The following SLC8B1 variants were observed in gnomAD, a reference collection of about 807,000 sequenced individuals.
The protein encoded by SLC8B1 is solute carrier family 8 member B1, also known as mitochondrial sodium/calcium exchanger protein.
In SLC8B1, 52 loss-of-function variants were observed where a neutral mutation model predicts 63.4. The ratio of observed to expected loss-of-function variants is 0.82; its 90% CI spans 0.66 to 1.03. SLC8B1 has a LOEUF of 1.03. Among genes scored for constraint, SLC8B1 ranks in the 50% least tolerant of loss-of-function variants. The pLI, the probability that SLC8B1 is intolerant of heterozygous loss-of-function variation, is 0.00. For missense variants in SLC8B1, 657 were observed against 741.7 expected (o/e 0.89, Z 1.33); for synonymous variants, 336 against 323.9 (o/e 1.04, Z -0.40).
intron 11 of SLC8B1, among the ~76,000 whole-genome samples, chr12:113,313,527 G>C (rs890154594): frequency 2.6e-5 from 4 of 152,126 alleles, no homozygotes; most frequent in African/African-American, 9.7e-5. Context: ...GATCACCTGA[G>C]GTCAAGAGTT....
intron 10 of SLC8B1, 128 bp from the exon 11 acceptor site, chr12:113,315,604 G>A (rs1956825139): frequency 3.4e-6 from 4 of 1,188,256 alleles, no homozygotes; most frequent in Non-Finnish European, 4.5e-6. Context: ...GCGGGTTCCA[G>A]GCTAAGTGCC....
intron 15 of SLC8B1, among the ~76,000 whole-genome samples, chr12:113,300,466 G>T (rs1424541814): frequency 6.6e-6 from 1 of 152,048 alleles, no homozygotes; most frequent in Non-Finnish European, 1.5e-5. Context: ...TTGGGTGATG[G>T]AGTAAGACTC....
intron 8 of SLC8B1, 106 bp from the exon 9 acceptor site, chr12:113,317,107 CTTAG>C: frequency 3.1e-6 from 3 of 974,080 alleles, no homozygotes; most frequent in South Asian, 1.4e-5. Context: ...ATCTTATTTA[CTTAG>C]TTATTTGGGA....
intron 12 of SLC8B1, 71 bp from the exon 13 acceptor site, chr12:113,307,915 G>A: frequency 6.4e-7 from 1 of 1,551,122 alleles, no homozygotes; most frequent in South Asian, 1.2e-5. Flanking sequence ...TTCCTCACCT[G>A]TGAAACGGGA....
chr12:113,324,131 G>A (rs1956964897), intron 2 of SLC8B1, among the ~76,000 whole-genome samples: 2 of 151,962 alleles, frequency 1.3e-5, no homozygotes, highest in African/African-American at 4.8e-5. Flanking sequence ...GGGTAACATA[G>A]TAAGACCCCA....
chr12:113,305,078 T>C lies in SLC8B1; in HGVS notation c.1493-693A>G, dbSNP rs1956653051. Among the ~76,000 whole-genome samples, 1 of 152,182 alleles carries C rather than the reference T, an allele frequency of 6.6e-6. No homozygotes were observed. The highest frequency in any genetic ancestry group is 6.5e-5 in the Admixed American group (1 of 15,274). Reference sequence around the variant, plus strand: ...TAGGGTGCCAGGAATGCTTGGCGCATGTAAGCACTCAGTAGGTGGGGAAAC... The same window carrying C: ...TAGGGTGCCAGGAATGCTTGGCGCACGTAAGCACTCAGTAGGTGGGGAAAC... On this transcript the variant is annotated intron_variant, in intron 14 of 15. Transcript: ENST00000680972. The surrounding 1 kb of genome is among the most constrained non-coding windows in gnomAD (Gnocchi z 4.3).
chr12:113,318,845 C>T, intron 8 of SLC8B1, 119 bp downstream of exon 8: 1 of 714,572 alleles, frequency 1.4e-6, no homozygotes, highest in Non-Finnish European at 2.4e-6. Flanking sequence ...GTAGAAAGAG[C>T]ATGAAGAGGA....
chr12:113,320,407 G>T lies in SLC8B1; in HGVS notation c.618C>A (p.Ile206=). 1 of 1,614,142 alleles carries T rather than the reference G, an allele frequency of 6.2e-7. No individual in the cohort carries two copies. The highest frequency in any genetic ancestry group is 8.5e-7 in the Non-Finnish European group (1 of 1,180,028). ...MAASRPFFRD[I]VFYMVAVFLT... is the part of the protein sequence containing the mutation. ...GGAACACAGCCACCATGTAGAAAAC[G>T]ATGTCCCTGAAGAAGGGCCTGGAGG... Residue 206 remains isoleucine (I), a synonymous_variant, in exon 7 of 16, where the codon ATC becomes ATA. Coordinates refer to ENST00000680972, the MANE Select transcript of SLC8B1 (RefSeq NM_001358345.2). The surrounding 1 kb of genome is among the most constrained non-coding windows in gnomAD (Gnocchi z 5.3).
chr12:113,329,423 T>G lies in SLC8B1; in HGVS notation c.156+3300A>C, dbSNP rs149439521. 3.5e-3 allele frequency among the ~76,000 whole-genome samples: 540 copies of G among 152,218 alleles called. 4 individuals carry two copies. Among genetic ancestry groups the G allele is most frequent in the African/African-American group, 0.012 (504 of 41,554 alleles). On this transcript the variant is annotated intron_variant, in intron 2 of 15. Coordinates refer to ENST00000680972, the MANE Select transcript of SLC8B1 (RefSeq NM_001358345.2). ...CCTCCTCCCTGTCCTCGGGGTCAGCTAGGGAGGATGCAGGGAGTCACCCCA... is the reference window on the plus strand; with the variant it reads ...CCTCCTCCCTGTCCTCGGGGTCAGCGAGGGAGGATGCAGGGAGTCACCCCA...
intron 2 of SLC8B1, 134 bp from the exon 3 acceptor site, chr12:113,321,482 A>G: frequency 1.9e-6 from 2 of 1,032,692 alleles, no homozygotes; most frequent in South Asian, 1.7e-5. Flanking sequence ...GGTGCCAACT[A>G]TGGATGCACT....
At chr12:113,323,722 A>C (rs758893651) in intron 2 of SLC8B1, among the ~76,000 whole-genome samples, 1 of 152,040 alleles carries the variant, frequency 6.6e-6, no homozygotes, top group African/African-American at 2.4e-5. Flanking sequence ...AAAAAACAAC[A>C]ACAAAAAAAG....
chr12:113,319,886 C>A (rs934179811), intron 7 of SLC8B1: 8 of 169,184 alleles, frequency 4.7e-5, no homozygotes, highest in Non-Finnish European at 7.7e-5. Context: ...AACTCCTAGG[C>A]TCAAGGGATC....
At chr12:113,308,040 T>C (rs1163060785) in intron 12 of SLC8B1, 196 bp from the exon 13 acceptor site, 4 of 648,114 alleles carry the variant, frequency 6.2e-6, no homozygotes, top group Admixed American at 3.6e-5. Context: ...TTATTTTCTT[T>C]TTTCCTTAAT....
chr12:113,301,333 C>CTTTTTT (rs61095726), intron 15 of SLC8B1, among the ~76,000 whole-genome samples: 2 of 107,598 alleles, frequency 1.9e-5, no homozygotes, highest in African/African-American at 7.8e-5. Context: ...CTTTATAAGG[C>CTTTTTT]TTTTTTTTTT....
intron 2 of SLC8B1, among the ~76,000 whole-genome samples, chr12:113,331,273 C>A (rs188399782): frequency 4.0e-4 from 60 of 151,770 alleles, no homozygotes; most frequent in Non-Finnish European, 7.1e-4. Flanking sequence ...CCTGTAATCC[C>A]AACTACTCGG....
intron 12 of SLC8B1, among the ~76,000 whole-genome samples, chr12:113,309,861 G>A (rs940723693): frequency 9.2e-5 from 14 of 152,184 alleles, no homozygotes; most frequent in East Asian, 1.9e-4. Context: ...GGGGCTATGT[G>A]GGGGGTGGGG....
chr12:113,299,693 G>T lies in SLC8B1; in HGVS notation c.*84C>A. 1 of 1,401,808 alleles carries T rather than the reference G, an allele frequency of 7.1e-7. No individual in the cohort carries two copies. The highest frequency in any genetic ancestry group is 1.0e-6 in the Non-Finnish European group (1 of 993,830). 86.8% of individuals were successfully genotyped at this position (1,401,808 alleles called of 1,614,324 possible). On this transcript the variant is annotated 3_prime_UTR_variant, in exon 16 of 16. Transcript: ENST00000680972. ...CTCTCGTGCCCACAAGGGCCTTGCAGAAATGCTCCGGTCCCTGGGCCTCCC... is the reference window on the plus strand; with the variant it reads ...CTCTCGTGCCCACAAGGGCCTTGCATAAATGCTCCGGTCCCTGGGCCTCCC...
At chr12:113,306,066 CAAAAAAAA>C (rs60824560) in intron 14 of SLC8B1, among the ~76,000 whole-genome samples, 5 of 18,100 alleles carry the variant, frequency 2.8e-4, no homozygotes, top group East Asian at 1.9e-3. Flanking sequence ...CCCCACCCTG[CAAAAAAAA>C]AAAAAAAAAA....
Position 113,320,163 on chromosome 12 carries a change from C to T in SLC8B1, c.694+168G>A. The T allele has an allele frequency of 2.6e-6, 2 of 768,738 alleles. No individual in the cohort carries two copies. The highest frequency in any genetic ancestry group is 4.2e-6 in the Non-Finnish European group (2 of 481,544). 47.6% of individuals were successfully genotyped at this position (768,738 alleles called of 1,614,324 possible). A position where few individuals can be genotyped will look rare whatever the true frequency, so the allele number is the denominator to read the frequency against. On this transcript the variant is annotated intron_variant, in intron 7 of 15. Coordinates refer to ENST00000680972, the MANE Select transcript of SLC8B1 (RefSeq NM_001358345.2). This position sits in a 1 kb window ranked among gnomAD's most constrained non-coding sequence, Gnocchi z 5.3. ...CTGCCAGGCCTCTTTGGTTATGTGA[C>T]CCACATGTTCCCATTTTTGCTCAAG...
Sources: gnomAD v4.1 joint callset for allele counts (sites outside exome capture counted in the v4.1 genomes callset) on GRCh38, gnomAD v4.1.1 for gene constraint, Gnocchi (gnomAD v3.1) non-coding constraint, MANE v1.5 for transcripts, NCBI Gene and HGNC (gene_info 2026-07-23, HGNC 2026-07-21) for gene names.